Variants in TM9SF3 observed in about 807,000 individuals in gnomAD.
TM9SF3 encodes SM-11044-binding protein.
In TM9SF3, 14 loss-of-function variants were observed where a neutral mutation model predicts 78.6. The ratio of observed to expected loss-of-function variants is 0.18; its 90% CI spans 0.12 to 0.28. The LOEUF is 0.28. TM9SF3 is among the 10% of genes least tolerant of loss of function. The pLI is 1.00. For synonymous variants in TM9SF3, 231 were observed against 241.7 expected (o/e 0.96, Z 0.41); for missense variants, 496 against 721.9 (o/e 0.69, Z 3.59).
intron 1 of TM9SF3, 27 bp from the exon 2 acceptor site, chr10:96,576,856 TAAAA>T: frequency 9.9e-6 from 12 of 1,211,256 alleles, no homozygotes; most frequent in Non-Finnish European, 1.3e-5. Context: ...AAACAAGAAT[TAAAA>T]AAAAAAAACA....
intron 9 of TM9SF3, among the ~76,000 whole-genome samples, chr10:96,543,344 C>CTTTTTTTTTT (rs398014526): frequency 0.012 from 1,616 of 136,852 alleles, 71 homozygotes; most frequent in African/African-American, 0.029. Flanking sequence ...TAGTGAGATT[C>CTTTTTTTTTT]TTTTTTTTGA....
Position 96,533,011 on chromosome 10 carries a change from T to C in TM9SF3, c.1325+40A>G, listed in dbSNP as rs374784977. On this transcript the variant is annotated intron_variant, in intron 10 of 14. Coordinates refer to ENST00000371142, the MANE Select transcript of TM9SF3 (RefSeq NM_020123.4). ...CACAACAGCCTTAAGAACTTATATA[T>C]TGTGTGAAACAATCGCATAAGATTT... 735 of 1,610,080 alleles carry C rather than the reference T, an allele frequency of 4.6e-4. 2 individuals carry two copies. The highest frequency in any genetic ancestry group is 6.0e-4 in the Non-Finnish European group (712 of 1,177,288).
chr10:96,549,558 G>A (rs1276329528), intron 7 of TM9SF3, among the ~76,000 whole-genome samples: 2 of 152,016 alleles, frequency 1.3e-5, no homozygotes, highest in Non-Finnish European at 2.9e-5. Context: ...GAAGATTAAG[G>A]GATCAAATGT....
chr10:96,572,886 A>G (rs1848453249), intron 2 of TM9SF3, among the ~76,000 whole-genome samples: 1 of 152,110 alleles, frequency 6.6e-6, no homozygotes, highest in South Asian at 2.1e-4. Context: ...AGCAAGAAAA[A>G]GTTGTGTATA....
In TM9SF3 at chr10:96,562,279, T is replaced by G. The variant is rs1283295831; in HGVS notation, c.422-141A>C. On this transcript the variant is annotated intron_variant, in intron 3 of 14. Transcript: ENST00000371142. ...CTCCCTGGCCACTCTTGACTCTCCCTTCACCTTCTGCCATGATTGTAAGTT... is the reference window on the plus strand; with the variant it reads ...CTCCCTGGCCACTCTTGACTCTCCCGTCACCTTCTGCCATGATTGTAAGTT... The G allele has an allele frequency of 4.6e-6, 3 of 657,198 alleles. No individual in the cohort carries two copies. The East Asian group carries it at 8.8e-5, about 19-fold the overall frequency. 40.7% of individuals were successfully genotyped at this position (657,198 alleles called of 1,614,324 possible).
intron 9 of TM9SF3, among the ~76,000 whole-genome samples, chr10:96,534,517 C>T (rs1382557016): frequency 6.6e-6 from 1 of 152,048 alleles, no homozygotes; most frequent in Non-Finnish European, 1.5e-5. Flanking sequence ...AACTACAAGA[C>T]TCATAAACCT....
rs1421395843 is a variant in TM9SF3 at position 96,527,272 on chromosome 10, T to TG, written c.1642dup (p.Gln548ProfsTer13). Reference sequence around the variant, plus strand: ...CATATATCCAAAGTAAAATGATGTTTGAAATAAGCCATACATCCTGAAATA... The same window carrying TG: ...CATATATCCAAAGTAAAATGATGTTTGGAAATAAGCCATACATCCTGAAATA... On this transcript the variant is annotated frameshift_variant, in exon 14 of 15. Transcript: ENST00000371142. LOFTEE classifies it high-confidence loss of function. 1 of 1,611,690 alleles carries TG rather than the reference T, an allele frequency of 6.2e-7. No individual in the cohort carries two copies. The highest frequency in any genetic ancestry group is 1.3e-5 in the African/African-American group (1 of 74,826).
rs1381755379 is a variant in TM9SF3 at position 96,521,276 on chromosome 10, T to G, written c.*987A>C. On this transcript the variant is annotated 3_prime_UTR_variant, in exon 15 of 15. Transcript: ENST00000371142. ...AGAAAAAAGTACTCTGTAGTCGATC[T>G]GTACATCCAAATGCATTTGGGAATC... 5.5e-6 allele frequency: 1 copy of G among 180,466 alleles called. No individual in the cohort carries two copies. Among genetic ancestry groups the G allele is most frequent in the Non-Finnish European group, 1.2e-5 (1 of 86,818 alleles). 11.2% of individuals were successfully genotyped at this position (180,466 alleles called of 1,614,324 possible).
intron 1 of TM9SF3, among the ~76,000 whole-genome samples, chr10:96,584,948 A>T (rs1848612627): frequency 1.3e-5 from 2 of 152,238 alleles, no homozygotes; most frequent in South Asian, 4.1e-4. Context: ...CTTTCGTGGC[A>T]GTCAACAAAA....
rs919748350 is a variant in TM9SF3 at position 96,522,015 on chromosome 10, C to G, written c.*248G>C. 2.2e-6 allele frequency: 1 copy of G among 450,072 alleles called. No homozygotes were observed. Among genetic ancestry groups the G allele is most frequent in the African/African-American group, 2.1e-5 (1 of 47,700 alleles). The allele number at this position is 450,072 out of a possible 1,614,324, so 27.9% of individuals were successfully genotyped here. ...ATGAGCTAGTTTTTGGGAAGATTAGCCATGTACTGTAGTAATGCCTACTGC... is the reference window on the plus strand; with the variant it reads ...ATGAGCTAGTTTTTGGGAAGATTAGGCATGTACTGTAGTAATGCCTACTGC... On this transcript the variant is annotated 3_prime_UTR_variant, in exon 15 of 15. Transcript: ENST00000371142.
chr10:96,524,590 T>A (rs1847817842), intron 14 of TM9SF3, among the ~76,000 whole-genome samples: 1 of 151,914 alleles, frequency 6.6e-6, no homozygotes, highest in Admixed American at 6.6e-5. Context: ...GGCATGACTT[T>A]ATAAAAAGAG....
intron 11 of TM9SF3, 64 bp from the exon 12 acceptor site, chr10:96,528,241 G>T: frequency 2.1e-6 from 3 of 1,453,076 alleles, no homozygotes; most frequent in African/African-American, 1.4e-5. Flanking sequence ...TCTGCTCTTC[G>T]TGAGTCTCAC....
At chr10:96,563,292 T>A (rs1440266767) in intron 3 of TM9SF3, among the ~76,000 whole-genome samples, 1 of 152,182 alleles carries the variant, frequency 6.6e-6, no homozygotes, top group African/African-American at 2.4e-5. Flanking sequence ...CCCAGTCTGT[T>A]CTCAAACTCC....
chr10:96,560,975 A>C (rs1848300920), intron 4 of TM9SF3: 1 of 454,534 alleles, frequency 2.2e-6, no homozygotes, highest in Admixed American at 3.3e-5. Context: ...GGGAGAAAAG[A>C]AAAGGAGAGA....
intron 9 of TM9SF3, among the ~76,000 whole-genome samples, chr10:96,538,010 G>T (rs1847980386): frequency 6.6e-6 from 1 of 152,076 alleles, no homozygotes; most frequent in Admixed American, 6.5e-5. Context: ...CAAAACCCCA[G>T]AAGACTTTTT....
At chr10:96,586,641 C>G in intron 1 of TM9SF3, 93 bp downstream of exon 1, 1 of 1,082,442 alleles carries the variant, frequency 9.2e-7, no homozygotes, top group Non-Finnish European at 1.2e-6. Context: ...GGGGCACCAC[C>G]GGGCCGCCGG....
At chr10:96,550,409 A>G (rs1468022579) in intron 7 of TM9SF3, among the ~76,000 whole-genome samples, 1 of 152,232 alleles carries the variant, frequency 6.6e-6, no homozygotes, top group African/African-American at 2.4e-5. Context: ...TTGCTTGCCC[A>G]TCAAACGCCA....
chr10:96,572,384 TCTGA>T, intron 2 of TM9SF3, among the ~76,000 whole-genome samples: 1 of 152,052 alleles, frequency 6.6e-6, no homozygotes, highest in East Asian at 1.9e-4. Flanking sequence ...ATCAAGTCTC[TCTGA>T]CCCTAAAGCA....
At chr10:96,572,553 G>C (rs1848448212) in intron 2 of TM9SF3, among the ~76,000 whole-genome samples, 1 of 143,140 alleles carries the variant, frequency 7.0e-6, no homozygotes, top group Non-Finnish European at 1.5e-5. Context: ...TTAAGACAGA[G>C]TCTTGCTCTG....
Sources: allele counts gnomAD v4.1 joint callset (sites outside exome capture counted in the v4.1 genomes callset), GRCh38; gene constraint gnomAD v4.1.1; transcripts MANE v1.5; gene names NCBI Gene and HGNC (gene_info 2026-07-23, HGNC 2026-07-21).